The following CLIP2 variants were observed in gnomAD, a reference collection of about 807,000 sequenced individuals.
CLIP2 encodes the protein CAP-Gly domain-containing linker protein 2.
CLIP2 carries 41 observed loss-of-function variants against 111.7 expected under a neutral mutation model. The observed-to-expected ratio is 0.37, with a 90% CI of 0.29 to 0.48. CLIP2 has a LOEUF of 0.48. CLIP2 is among the 20% of genes least tolerant of loss of function. The pLI is 0.99. For synonymous variants in CLIP2, 660 were observed against 644.2 expected (o/e 1.02, Z -0.37); for missense variants, 1,160 against 1,422.1 (o/e 0.82, Z 2.96).
At chr7:74,327,544 C>T (rs1396852600) in intron 2 of CLIP2, among the ~76,000 whole-genome samples, 2 of 152,218 alleles carry the variant, frequency 1.3e-5, no homozygotes, top group African/African-American at 4.8e-5. Context: ...CCATACATTT[C>T]TAGGAGCCTT....
intron 2 of CLIP2, among the ~76,000 whole-genome samples, chr7:74,335,192 A>G (rs1789412191): frequency 6.7e-6 from 1 of 148,524 alleles, no homozygotes; most frequent in Non-Finnish European, 1.5e-5. Context: ...AATCACTTGA[A>G]CTCAGGAGGT....
chr7:74,338,717 G>T lies in CLIP2; in HGVS notation c.391G>T (p.Glu131Ter). 1 of 1,590,426 alleles carries T rather than the reference G, an allele frequency of 6.3e-7. No individual in the cohort carries two copies. The highest frequency in any genetic ancestry group is 1.1e-5 in the South Asian group (1 of 88,928). ...DGAVGGVRYF[E>*]CPALQGIFTR... ...CGCGGTGGGCGGCGTGCGCTACTTC[G>T]AGTGCCCGGCCCTCCAGGGTATCTT... Residue 131 changes from glutamate (E) to a stop codon, truncating the protein, a stop_gained, in exon 3 of 17, where the codon GAG becomes TAG. Coordinates refer to ENST00000223398, the MANE Select transcript of CLIP2 (RefSeq NM_003388.5). LOFTEE classifies it high-confidence loss of function. The surrounding 1 kb of genome is among the most constrained non-coding windows in gnomAD (Gnocchi z 4.3).
rs1554312661 is a variant in CLIP2, at chr7:74,375,874, T to TCTCTCCCC, written c.1486-12_1486-5dup. 1 of 1,499,514 alleles carries TCTCTCCCC rather than the reference T, an allele frequency of 6.7e-7. No homozygotes were observed. Among genetic ancestry groups the TCTCTCCCC allele is most frequent in the African/African-American group, 1.4e-5 (1 of 71,712 alleles). The allele number at this position is 1,499,514 out of a possible 1,614,324, so 92.9% of individuals were successfully genotyped here. A position where few individuals can be genotyped will look rare whatever the true frequency, so the allele number is the denominator to read the frequency against. The stretch of plus-strand genomic sequence containing the variant: ...GCCAGCCCGCTGATCCCTGTCTCCC[T>TCTCTCCCC]CTCTCCCCACAGCTGACCACAGTGG... On this transcript the variant is annotated splice_polypyrimidine_tract_variant and intron_variant, in intron 9 of 16. Coordinates refer to ENST00000223398, the MANE Select transcript of CLIP2 (RefSeq NM_003388.5).
At chr7:74,357,213 A>G in intron 5 of CLIP2, 67 bp from the exon 6 acceptor site, 1 of 1,437,884 alleles carries the variant, frequency 7.0e-7, no homozygotes. Context: ...ATTAGGCTGG[A>G]CAGAGCCAGT....
chr7:74,353,808 G>A, intron 3 of CLIP2, 72 bp from the exon 4 acceptor site: 1 of 1,607,862 alleles, frequency 6.2e-7, no homozygotes, highest in Non-Finnish European at 8.5e-7. Flanking sequence ...GATAAGCCTG[G>A]GCTGGGTGCC....
At chr7:74,295,901 A>C (rs1788152861) in intron 1 of CLIP2, among the ~76,000 whole-genome samples, 1 of 141,320 alleles carries the variant, frequency 7.1e-6, no homozygotes, top group South Asian at 2.3e-4. Context: ...AGGCAGGAGG[A>C]TCTCTTGAAC....
At chr7:74,352,095 T>C (rs1790020540) in intron 3 of CLIP2, among the ~76,000 whole-genome samples, 1 of 152,102 alleles carries the variant, frequency 6.6e-6, no homozygotes, top group Non-Finnish European at 1.5e-5. Context: ...GCAGGAGATT[T>C]AGACTATTGA....
chr7:74,296,437 G>A (rs1554726119), intron 1 of CLIP2, among the ~76,000 whole-genome samples: 1 of 151,750 alleles, frequency 6.6e-6, no homozygotes, highest in East Asian at 1.9e-4. Context: ...TTGAACCTGG[G>A]AGGCAGAGGC....
intron 1 of CLIP2, among the ~76,000 whole-genome samples, chr7:74,293,382 C>G (rs1788081294): frequency 6.6e-6 from 1 of 152,118 alleles, no homozygotes; most frequent in African/African-American, 2.4e-5. Context: ...CTTCTCCTTT[C>G]CCCTACAGGC....
chr7:74,335,022 G>T (rs1376957647), intron 2 of CLIP2, among the ~76,000 whole-genome samples: 1 of 151,692 alleles, frequency 6.6e-6, no homozygotes, highest in Non-Finnish European at 1.5e-5. Flanking sequence ...AAGAGGGAGG[G>T]TTCTGAAGCC....
intron 4 of CLIP2, 105 bp downstream of exon 4, chr7:74,354,109 G>A: frequency 1.5e-6 from 2 of 1,353,930 alleles, no homozygotes; most frequent in Non-Finnish European, 2.0e-6. Context: ...CCAGCATGTA[G>A]TGTCAGACAC....
chr7:74,301,022 G>A (rs977511794), intron 1 of CLIP2, among the ~76,000 whole-genome samples: 16 of 152,192 alleles, frequency 1.1e-4, no homozygotes, highest in African/African-American at 3.9e-4. Context: ...TTCTCATAAA[G>A]GTTGTACTAA....
chr7:74,396,742 A>T (rs1213618413), intron 13 of CLIP2, among the ~76,000 whole-genome samples: 1 of 151,958 alleles, frequency 6.6e-6, no homozygotes, highest in Non-Finnish European at 1.5e-5. Context: ...GCTGGTCTCA[A>T]ACTCCTGACC....
chr7:74,349,325 G>A (rs1422204993), intron 3 of CLIP2, among the ~76,000 whole-genome samples: 3 of 150,672 alleles, frequency 2.0e-5, no homozygotes, highest in African/African-American at 7.3e-5. Context: ...CAGCTACTAG[G>A]GAGGCTGAGG....
intron 1 of CLIP2, among the ~76,000 whole-genome samples, chr7:74,303,836 C>T (rs1249683893): frequency 1.3e-5 from 2 of 149,558 alleles, no homozygotes; most frequent in African/African-American, 2.5e-5. Context: ...CGCTTGAACT[C>T]AGCAGGCGGA....
intron 2 of CLIP2, among the ~76,000 whole-genome samples, chr7:74,331,562 CTTTTTT>C (rs1213774851): frequency 1.7e-5 from 2 of 120,674 alleles, no homozygotes; most frequent in South Asian, 2.6e-4. Flanking sequence ...TTCTTTCTTT[CTTTTTT>C]TTTTTTTTTT....
intron 1 of CLIP2, among the ~76,000 whole-genome samples, chr7:74,302,586 C>T (rs1249400628): frequency 6.6e-6 from 1 of 152,188 alleles, no homozygotes; most frequent in Non-Finnish European, 1.5e-5. Flanking sequence ...CTAGACTCAA[C>T]CCTTGCTTGT....
intron 2 of CLIP2, among the ~76,000 whole-genome samples, chr7:74,326,681 G>T (rs1211749137): frequency 6.7e-6 from 1 of 149,046 alleles, no homozygotes; most frequent in East Asian, 2.0e-4. Context: ...CTTTCACCCC[G>T]GCTGGAGTAC....
At chr7:74,353,087 G>A (rs1464154948) in intron 3 of CLIP2, among the ~76,000 whole-genome samples, 1 of 151,862 alleles carries the variant, frequency 6.6e-6, no homozygotes, top group Non-Finnish European at 1.5e-5. Context: ...AGAGTTTGAG[G>A]CTACAGTGAG....
Sources: allele counts gnomAD v4.1 joint callset (sites outside exome capture counted in the v4.1 genomes callset), GRCh38; gene constraint gnomAD v4.1.1; non-coding constraint Gnocchi (gnomAD v3.1); transcripts MANE v1.5; gene names NCBI Gene and HGNC (gene_info 2026-07-23, HGNC 2026-07-21).